SLC5A11: variants seen among roughly 807,000 people sequenced by gnomAD.
SLC5A11 encodes the protein solute carrier family 5 member 11.
A neutral mutation model predicts 69.8 loss-of-function variants in SLC5A11; 48 were observed. That is an observed-to-expected ratio of 0.69 (90% CI 0.55 to 0.87). The LOEUF (loss-of-function observed/expected upper bound fraction) is 0.87, where lower values mean the gene tolerates loss of function less well. Ranked by LOEUF, SLC5A11 falls within the 40% of genes least tolerant of loss-of-function variation. SLC5A11 has a pLI of 0.00. For missense variants in SLC5A11, 784 were observed against 866.1 expected (o/e 0.91, Z 1.19); for synonymous variants, 319 against 342.4 (o/e 0.93, Z 0.75).
At chr16:24,874,776 T>G (rs528604448) in intron 5 of SLC5A11, among the ~76,000 whole-genome samples, 30 of 152,218 alleles carry the variant, frequency 2.0e-4, no homozygotes, top group African/African-American at 6.5e-4. Context: ...GAGACGGGGT[T>G]TCGCCAAGTT....
Position 24,871,656 on chromosome 16 carries a change from CA to C in SLC5A11, c.313-501del, listed in dbSNP as rs1043476171. 2.0e-5 allele frequency among the ~76,000 whole-genome samples: 3 copies of C among 152,102 alleles called. No homozygotes were observed. The South Asian group carries it at 6.2e-4, about 32-fold the overall frequency. On this transcript the variant is annotated intron_variant, in intron 4 of 15. Transcript: ENST00000347898. The stretch of plus-strand genomic sequence containing the variant: ...TGTTATGTAGAACCATTATGAGGGT[CA>C]AATGAATTAATGCTTGTAAAGGGTG...
chr16:24,882,928 G>A lies in SLC5A11; in HGVS notation c.584-1123G>A, dbSNP rs138201388. On this transcript the variant is annotated intron_variant, in intron 7 of 15. Coordinates refer to ENST00000347898, the Ensembl canonical transcript of SLC5A11. ...CCCAAAGTGCTGGGATTACAGGCATGAGCCATCTTTCCCAGCCCATTTCGA... is the reference window on the plus strand; with the variant it reads ...CCCAAAGTGCTGGGATTACAGGCATAAGCCATCTTTCCCAGCCCATTTCGA... Among the ~76,000 whole-genome samples the A allele has an allele frequency of 1.6e-3, 248 of 152,266 alleles. 1 individual carries two copies. The highest frequency in any genetic ancestry group is 5.8e-3 in the African/African-American group (240 of 41,542).
rs75770657 is a variant in SLC5A11 at position 24,866,958 on chromosome 16, C to T, written c.208-2943C>T. On this transcript the variant is annotated intron_variant, in intron 3 of 15. Coordinates refer to ENST00000347898, the Ensembl canonical transcript of SLC5A11. ...ATTGGTGACTTTAATATCTCATTTT[C>T]AATAATGTATGGAAAAACAAAATAA... is the stretch of plus-strand genomic sequence containing the variant. Among the ~76,000 whole-genome samples the T allele has an allele frequency of 4.1e-3, 629 of 152,062 alleles. 3 individuals are homozygous for T. Among genetic ancestry groups the T allele is most frequent in the African/African-American group, 0.015 (610 of 41,494 alleles).
chr16:24,876,733 C>T (rs899838068), intron 6 of SLC5A11, among the ~76,000 whole-genome samples: 11 of 152,164 alleles, frequency 7.2e-5, no homozygotes, highest in Non-Finnish European at 1.0e-4. Flanking sequence ...GAAGTTACAT[C>T]CCAGGAGGAA....
intron 1 of SLC5A11, among the ~76,000 whole-genome samples, chr16:24,857,697 T>TG (rs767862147): frequency 6.6e-6 from 1 of 152,230 alleles, no homozygotes; most frequent in Non-Finnish European, 1.5e-5. Flanking sequence ...TGTGATTACA[T>TG]GGGGCCCACC....
chr16:24,850,443 C>G (rs1039030600), intron 1 of SLC5A11, among the ~76,000 whole-genome samples: 4 of 152,226 alleles, frequency 2.6e-5, no homozygotes, highest in Admixed American at 2.0e-4. Context: ...CTCCCTAGAC[C>G]CAGGCCAGGC....
chr16:24,898,237 AGTCTC>A, intron 10 of SLC5A11, 128 bp downstream of exon 11: 5 of 1,263,464 alleles, frequency 4.0e-6, no homozygotes, highest in Non-Finnish European at 5.4e-6. Flanking sequence ...TCTAAGACAG[AGTCTC>A]ATTCTGTCAT....
chr16:24,906,933 C>A, intron 11 of SLC5A11, 92 bp from the exon 13 acceptor site: 1 of 1,539,324 alleles, frequency 6.5e-7, no homozygotes, highest in Non-Finnish European at 8.8e-7. Flanking sequence ...CCGCCGTCCT[C>A]CCTGAGGTTC....
intron 9 of SLC5A11, among the ~76,000 whole-genome samples, chr16:24,892,456 AAAAGG>A (rs1188289020): frequency 2.9e-4 from 44 of 151,978 alleles, no homozygotes; most frequent in African/African-American, 1.1e-3. Flanking sequence ...AAAAAAAAAA[AAAAGG>A]AGAATAGAAT....
At chr16:24,870,075 G>A in intron 4 of SLC5A11, 70 bp downstream of exon 5, 5 of 1,096,018 alleles carry the variant, frequency 4.6e-6, no homozygotes, top group Non-Finnish European at 6.9e-6. Flanking sequence ...GGGGAAAGTT[G>A]TGTGAATGCC....
chr16:24,890,903 GGA>G lies in SLC5A11; in HGVS notation c.702_703del (p.Lys235ValfsTer7), dbSNP rs1223289168. ...CGGTTGGTGGGATGGAAGGACTGAAGGAGAAGTACTTCTTGGCCCTGGCTAGC... is the reference window on the plus strand; with the variant it reads ...CGGTTGGTGGGATGGAAGGACTGAAGGAAGTACTTCTTGGCCCTGGCTAGC... On this transcript the variant is annotated frameshift_variant, in exon 9 of 16. Coordinates refer to ENST00000347898, the Ensembl canonical transcript of SLC5A11. LOFTEE classifies it high-confidence loss of function. 3 of 1,614,154 alleles carry G rather than the reference GGA, an allele frequency of 1.9e-6. No individual in the cohort carries two copies. The highest frequency in any genetic ancestry group is 2.5e-6 in the Non-Finnish European group (3 of 1,180,030).
At chr16:24,892,237 A>G (rs111625780) in intron 9 of SLC5A11, among the ~76,000 whole-genome samples, 1,906 of 151,898 alleles carry the variant, frequency 0.013, 49 homozygotes, top group African/African-American at 0.043. Context: ...TCCTGTCTCA[A>G]ATAATGTAGG....
chr16:24,854,962 T>TGC (rs2059463148), intron 1 of SLC5A11, among the ~76,000 whole-genome samples: 1 of 151,966 alleles, frequency 6.6e-6, no homozygotes, highest in Non-Finnish European at 1.5e-5. Context: ...GCCTTGTGTG[T>TGC]GTGTGTGTGT....
intron 10 of SLC5A11, among the ~76,000 whole-genome samples, chr16:24,905,638 G>GCACACA (rs1392232947): frequency 1.8e-4 from 13 of 70,308 alleles, no homozygotes; most frequent in Non-Finnish European, 4.4e-4. Context: ...ACGCGCGCGC[G>GCACACA]CGCACACACA....
At chr16:24,869,750 T>G (rs1267841508) in intron 3 of SLC5A11, 151 bp from the exon 5 acceptor site, 2 of 595,328 alleles carry the variant, frequency 3.4e-6, no homozygotes, top group African/African-American at 1.9e-5. Flanking sequence ...AATCTCATTC[T>G]AATGTAAACA....
At chr16:24,852,083 T>C (rs562178444) in intron 1 of SLC5A11, among the ~76,000 whole-genome samples, 19 of 150,396 alleles carry the variant, frequency 1.3e-4, no homozygotes, top group Non-Finnish European at 2.7e-4. Context: ...TCTGGCAAAA[T>C]AGTACTATTT....
At chr16:24,871,105 G>C (rs981256306) in intron 4 of SLC5A11, among the ~76,000 whole-genome samples, 1 of 152,080 alleles carries the variant, frequency 6.6e-6, no homozygotes, top group Non-Finnish European at 1.5e-5. Context: ...TCTATGCCAG[G>C]AACAGACTTT....
intron 8 of SLC5A11, 148 bp downstream of exon 9, chr16:24,884,279 G>A (rs528240469): frequency 2.9e-6 from 2 of 683,918 alleles, no homozygotes; most frequent in African/African-American, 1.8e-5. Context: ...CTTGAGGCAC[G>A]GTTATTTTAG....
chr16:24,909,852 AGTAAAAATAAGCAT>A (rs1018179925), intron 14 of SLC5A11, among the ~76,000 whole-genome samples: 17 of 135,240 alleles, frequency 1.3e-4, no homozygotes, highest in African/African-American at 4.6e-4. Context: ...AAAAAAAAAA[AGTAAAAATAAGCAT>A]TAATATTTCT....
Sources: gnomAD v4.1 joint callset for allele counts (sites outside exome capture counted in the v4.1 genomes callset) on GRCh38, gnomAD v4.1.1 for gene constraint, MANE v1.5 for transcripts, NCBI Gene and HGNC (gene_info 2026-07-23, HGNC 2026-07-21) for gene names.